PIK3AP1: variants seen among roughly 807,000 people sequenced by gnomAD.
PIK3AP1 encodes phosphoinositide 3-kinase adapter protein 1.
PIK3AP1 carries 21 observed loss-of-function variants against 88.1 expected under a neutral mutation model. The observed-to-expected ratio is 0.24, with a 90% CI of 0.17 to 0.34. The LOEUF (loss-of-function observed/expected upper bound fraction) is 0.34, where lower values mean the gene tolerates loss of function less well. Among genes scored for constraint, PIK3AP1 ranks in the 10% least tolerant of loss-of-function variants. The pLI, the probability that PIK3AP1 is intolerant of heterozygous loss-of-function variation, is 1.00. For synonymous variants in PIK3AP1, 398 were observed against 400.0 expected (o/e 1.00, Z 0.06); for missense variants, 828 against 1,035.7 (o/e 0.80, Z 2.75).
rs200099170 is a variant in PIK3AP1, at chr10:96,709,751, G to A, written c.246C>T (p.Pro82=). 4.3e-6 allele frequency: 7 copies of A among 1,613,828 alleles called. No individual in the cohort carries two copies. The highest frequency in any genetic ancestry group is 2.2e-5 in the South Asian group (2 of 91,042). The change falls in exon 2 of 17, where the codon CCC becomes CCT. Residue 82 remains proline (P), a synonymous_variant. Coordinates refer to ENST00000339364, the MANE Select transcript of PIK3AP1 (RefSeq NM_152309.3). ...CTCTCTGCAGCAGGGGCAGCAAGGC[G>A]GGCTTGTGGAAGTGCTGCACCAGCT... ...SAELVQHFHK[P]ALLPLLQRAF...
At chr10:96,613,005 T>G (rs1207071794) in intron 13 of PIK3AP1, among the ~76,000 whole-genome samples, 1 of 48,488 alleles carries the variant, frequency 2.1e-5, no homozygotes, top group African/African-American at 6.0e-5. Context: ...TTTTTTTTTT[T>G]TTTTTTTTTT....
intron 1 of PIK3AP1, among the ~76,000 whole-genome samples, chr10:96,717,528 A>T (rs777505002): frequency 6.6e-6 from 1 of 152,190 alleles, no homozygotes; most frequent in Non-Finnish European, 1.5e-5. Flanking sequence ...TGGCAAGAGT[A>T]TTGAGAGGCC....
intron 2 of PIK3AP1, among the ~76,000 whole-genome samples, chr10:96,678,376 A>G (rs1843954430): frequency 6.6e-6 from 1 of 152,066 alleles, no homozygotes; most frequent in African/African-American, 2.4e-5. Flanking sequence ...CGGAGGTTGC[A>G]ATGAGTCGAG....
chr10:96,678,735 G>A (rs1564981173), intron 2 of PIK3AP1, among the ~76,000 whole-genome samples: 2 of 152,146 alleles, frequency 1.3e-5, no homozygotes, highest in African/African-American at 4.8e-5. Context: ...TGTGCCCACT[G>A]CCTCAACACC....
intron 1 of PIK3AP1, among the ~76,000 whole-genome samples, chr10:96,719,885 G>T (rs369705899): frequency 6.6e-6 from 1 of 152,110 alleles, no homozygotes; most frequent in East Asian, 1.9e-4. Context: ...CACAAAGCCT[G>T]GGAGGGGTGG....
At position 96,720,066 on chromosome 10, in the gene PIK3AP1, A is replaced by C. The variant is rs1051441176; in HGVS notation, c.13+316T>G. 3.3e-5 allele frequency among the ~76,000 whole-genome samples: 5 copies of C among 152,182 alleles called. No homozygotes were observed. The highest frequency in any genetic ancestry group is 9.7e-5 in the African/African-American group (4 of 41,432). ...CTTCTCTCAACTCGCCTCTCGCTTC[A>C]GAGTCGGAGGGACAGGGGAAGCGAC... On this transcript the variant is annotated intron_variant, in intron 1 of 16. Transcript: ENST00000339364. The surrounding 1 kb of genome is among the most constrained non-coding windows in gnomAD (Gnocchi z 4.6).
intron 8 of PIK3AP1, among the ~76,000 whole-genome samples, chr10:96,642,920 A>G (rs2134225585): frequency 6.6e-6 from 1 of 152,356 alleles, no homozygotes; most frequent in South Asian, 2.1e-4. Flanking sequence ...ATTGTCCAGT[A>G]GTTTCATAGC....
chr10:96,645,686 G>A lies in PIK3AP1; in HGVS notation c.1186-24C>T, dbSNP rs115598384. 1.2e-3 allele frequency: 1,881 copies of A among 1,557,786 alleles called. 22 individuals are homozygous for A. In the African/African-American group the frequency reaches 0.023, roughly 19 times the overall value. On this transcript the variant is annotated intron_variant, in intron 7 of 16. Transcript: ENST00000339364. Reference sequence around the variant, plus strand: ...TCCTGAAAGAGAAGATGAGGCCCACGGCGCCCTGAGGCAGCCTGACTTTCC... The same window carrying A: ...TCCTGAAAGAGAAGATGAGGCCCACAGCGCCCTGAGGCAGCCTGACTTTCC...
At position 96,648,003 on chromosome 10, in the gene PIK3AP1, C is replaced by T. The variant is rs371605204; in HGVS notation, c.1185+656G>A. On this transcript the variant is annotated intron_variant, in intron 7 of 16. Coordinates refer to ENST00000339364, the MANE Select transcript of PIK3AP1 (RefSeq NM_152309.3). ...TGAGGAGGAGCTGAGGGCCCCAAAC[C>T]AGATGATCAGATAAACTGGGCATAC... 4.6e-5 allele frequency among the ~76,000 whole-genome samples: 7 copies of T among 152,160 alleles called. No homozygotes were observed. The East Asian group carries it at 1.2e-3, about 25-fold the overall frequency.
intron 2 of PIK3AP1, among the ~76,000 whole-genome samples, chr10:96,697,224 T>C (rs1428803624): frequency 6.6e-6 from 1 of 152,158 alleles, no homozygotes; most frequent in African/African-American, 2.4e-5. Flanking sequence ...CCACCCCGAG[T>C]GAGTGACGGT....
At position 96,594,406 on chromosome 10, in the gene PIK3AP1, C is replaced by T. The variant is rs890640538; in HGVS notation, c.*1171G>A. ...CTAATACAATGCCTACACATCACTT[C>T]ATTTACATGAATTCAACATACTTCT... is the stretch of plus-strand genomic sequence containing the variant. On this transcript the variant is annotated 3_prime_UTR_variant, in exon 17 of 17. Transcript: ENST00000339364. The surrounding 1 kb of genome is among the most constrained non-coding windows in gnomAD (Gnocchi z 4.6). The T allele has an allele frequency of 6.6e-5, 10 of 152,216 alleles. No homozygotes were observed. Among genetic ancestry groups the T allele is most frequent in the African/African-American group, 2.4e-4 (10 of 41,460 alleles). The allele number at this position is 152,216 out of a possible 1,614,324, so 9.4% of individuals were successfully genotyped here. A position where few individuals can be genotyped will look rare whatever the true frequency, so the allele number is the denominator to read the frequency against.
chr10:96,676,748 A>T (rs907104861), intron 2 of PIK3AP1, among the ~76,000 whole-genome samples: 1 of 151,704 alleles, frequency 6.6e-6, no homozygotes, highest in South Asian at 2.1e-4. Flanking sequence ...TTTAATAATT[A>T]ACAGCTTACA....
intron 16 of PIK3AP1, among the ~76,000 whole-genome samples, chr10:96,599,505 G>A (rs1052421176): frequency 1.3e-5 from 2 of 152,088 alleles, no homozygotes; most frequent in African/African-American, 4.8e-5. Flanking sequence ...GGATGGAGTG[G>A]GATGGAGGCT....
At chr10:96,607,197 C>G (rs1285170265) in intron 14 of PIK3AP1, among the ~76,000 whole-genome samples, 1 of 152,126 alleles carries the variant, frequency 6.6e-6, no homozygotes, top group Non-Finnish European at 1.5e-5. Flanking sequence ...TCCTCACTCT[C>G]CCTCTCTGCC....
In PIK3AP1 at chr10:96,609,875, T is replaced by C; in HGVS notation, c.2015-8A>G. ...GGACCGTGATCTCCAAGTCTGGAAT[T>C]GGAGGAAAGAGGGATAAGCTGTCAA... On this transcript the variant is annotated splice_polypyrimidine_tract_variant and splice_region_variant and intron_variant, in intron 13 of 16. Transcript: ENST00000339364. 1 of 1,613,858 alleles carries C rather than the reference T, an allele frequency of 6.2e-7. No homozygotes were observed. Among genetic ancestry groups the C allele is most frequent in the Non-Finnish European group, 8.5e-7 (1 of 1,179,808 alleles).
At chr10:96,633,917 G>A (rs1217764613) in intron 8 of PIK3AP1, among the ~76,000 whole-genome samples, 1 of 152,170 alleles carries the variant, frequency 6.6e-6, no homozygotes, top group Non-Finnish European at 1.5e-5. Flanking sequence ...GACAAGGCTA[G>A]CCAGGTGCAT....
intron 1 of PIK3AP1, among the ~76,000 whole-genome samples, chr10:96,719,957 G>C (rs1844549811): frequency 6.6e-6 from 1 of 152,234 alleles, no homozygotes; most frequent in African/African-American, 2.4e-5. Flanking sequence ...GCACCACCTA[G>C]GACTGCCTGA....
chr10:96,631,884 A>G (rs930390138), intron 8 of PIK3AP1, among the ~76,000 whole-genome samples: 2 of 149,822 alleles, frequency 1.3e-5, no homozygotes, highest in African/African-American at 4.8e-5. Flanking sequence ...ACTCTGTCTC[A>G]AAAAACAAAA....
In PIK3AP1 at chr10:96,627,353, G is replaced by A. The variant is rs374892792; in HGVS notation, c.1472-448C>T. ...GGGAAACTTTTCATTCTAGAGTTGG[G>A]GTCAGCACACATTTTTTTAAAGATC... On this transcript the variant is annotated intron_variant, in intron 9 of 16. Transcript: ENST00000339364. 6.5e-4 allele frequency among the ~76,000 whole-genome samples: 99 copies of A among 152,214 alleles called. No individual in the cohort carries two copies. The South Asian group carries it at 0.016, about 25-fold the overall frequency.
Sources: allele counts gnomAD v4.1 joint callset (sites outside exome capture counted in the v4.1 genomes callset), GRCh38; gene constraint gnomAD v4.1.1; non-coding constraint Gnocchi (gnomAD v3.1); transcripts MANE v1.5; gene names NCBI Gene and HGNC (gene_info 2026-07-23, HGNC 2026-07-21).